GADL1: variants seen among roughly 807,000 people sequenced by gnomAD.
The protein encoded by GADL1 is acidic amino acid decarboxylase GADL1.
GADL1 carries 71 observed loss-of-function variants against 69.5 expected under a neutral mutation model. The ratio of observed to expected loss-of-function variants is 1.02; its 90% CI spans 0.84 to 1.25. The LOEUF is 1.25. Ranked by LOEUF, GADL1 falls within the 50% of genes most tolerant of loss-of-function variation. GADL1 has a pLI of 0.00. For missense variants in GADL1, 737 were observed against 631.8 expected (o/e 1.17, Z -1.79); for synonymous variants, 254 against 214.4 (o/e 1.18, Z -1.62).
intron 14 of GADL1, among the ~76,000 whole-genome samples, chr3:30,763,496 C>T (rs534566931): frequency 8.3e-5 from 5 of 60,408 alleles, no homozygotes; most frequent in Admixed American, 1.9e-4. Flanking sequence ...AGCAAGACTC[C>T]GTCTCGGCGG....
At chr3:30,765,794 G>A (rs1475256084) in intron 14 of GADL1, among the ~76,000 whole-genome samples, 3 of 152,120 alleles carry the variant, frequency 2.0e-5, no homozygotes, top group Non-Finnish European at 2.9e-5. Flanking sequence ...CTGTATCATA[G>A]GGGAATTGTA....
At chr3:30,800,805 AG>A (rs1697142707) in intron 12 of GADL1, 83 bp downstream of exon 12, 7 of 972,416 alleles carry the variant, frequency 7.2e-6, no homozygotes, top group Non-Finnish European at 1.0e-5. Flanking sequence ...AGACACAGAT[AG>A]ACACACACAC....
rs548139798 is a variant in GADL1, at chr3:30,856,610, C to G, written c.337+405G>C. Among the ~76,000 whole-genome samples, 28 of 152,060 alleles carry G rather than the reference C, an allele frequency of 1.8e-4. No individual in the cohort carries two copies. In the South Asian group the frequency reaches 5.8e-3, roughly 32 times the overall value. On this transcript the variant is annotated intron_variant, in intron 3 of 14. Transcript: ENST00000282538. ...ATCATTTCTGTTTATATTAAAGATACCTTTTGAACACTTTTTTTGCATACT... is the reference window on the plus strand; with the variant it reads ...ATCATTTCTGTTTATATTAAAGATAGCTTTTGAACACTTTTTTTGCATACT...
intron 13 of GADL1, among the ~76,000 whole-genome samples, chr3:30,782,333 G>GA (rs1187089872): frequency 3.9e-5 from 6 of 152,254 alleles, no homozygotes; most frequent in African/African-American, 1.4e-4. Context: ...GTACCAACCT[G>GA]AAGAGTGATG....
chr3:30,868,618 A>T (rs1698437711), intron 1 of GADL1, among the ~76,000 whole-genome samples: 1 of 151,980 alleles, frequency 6.6e-6, no homozygotes, highest in South Asian at 2.1e-4. Context: ...TGCCAGGGAC[A>T]GTGTAAAGAA....
chr3:30,778,039 G>A, intron 14 of GADL1, 140 bp downstream of exon 14: 1 of 585,442 alleles, frequency 1.7e-6, no homozygotes, highest in Non-Finnish European at 3.1e-6. Flanking sequence ...TGTTTGGCCT[G>A]TCATTACTTT....
intron 14 of GADL1, among the ~76,000 whole-genome samples, chr3:30,774,642 TTTC>T (rs1696492201): frequency 6.6e-6 from 1 of 152,198 alleles, no homozygotes; most frequent in South Asian, 2.1e-4. Flanking sequence ...TAATAAAACT[TTTC>T]TTATAAACTT....
intron 13 of GADL1, among the ~76,000 whole-genome samples, chr3:30,785,532 C>CCA (rs533442276): frequency 4.4e-4 from 67 of 152,148 alleles, no homozygotes; most frequent in Non-Finnish European, 5.1e-4. Flanking sequence ...CAAGCATGAG[C>CCA]CACCACGCTC....
At chr3:30,849,738 G>C (rs929784674) in intron 6 of GADL1, among the ~76,000 whole-genome samples, 2 of 152,082 alleles carry the variant, frequency 1.3e-5, no homozygotes, top group African/African-American at 4.8e-5. Context: ...CACAGAGATA[G>C]CACTTTCAAA....
intron 6 of GADL1, among the ~76,000 whole-genome samples, chr3:30,846,011 T>C (rs2125529661): frequency 6.6e-6 from 1 of 150,570 alleles, no homozygotes; most frequent in African/African-American, 2.4e-5. Flanking sequence ...TTTAAGTACC[T>C]GAGGGCAAAA....
At chr3:30,759,215 AGAC>A (rs1182522915) in intron 14 of GADL1, among the ~76,000 whole-genome samples, 237 of 152,212 alleles carry the variant, frequency 1.6e-3, no homozygotes, top group Non-Finnish European at 2.6e-3. Context: ...GGTAGGACTT[AGAC>A]ATCTGTCTCT....
At chr3:30,865,535 T>C (rs1392933544) in intron 1 of GADL1, among the ~76,000 whole-genome samples, 3 of 151,990 alleles carry the variant, frequency 2.0e-5, no homozygotes, top group Admixed American at 2.0e-4. Context: ...TCTGTATGCC[T>C]TTCTGAACTG....
chr3:30,774,050 G>C (rs1471370308), intron 14 of GADL1, among the ~76,000 whole-genome samples: 1 of 152,302 alleles, frequency 6.6e-6, no homozygotes, highest in Admixed American at 6.5e-5. Context: ...AAAGAGACAA[G>C]ATTCGATTGG....
At chr3:30,892,959 C>A (rs932651040) in intron 1 of GADL1, among the ~76,000 whole-genome samples, 2 of 152,188 alleles carry the variant, frequency 1.3e-5, no homozygotes, top group African/African-American at 4.8e-5. Context: ...CAGGTTCAAG[C>A]GATTCTCCTG....
chr3:30,739,310 C>T (rs1479618036), intron 14 of GADL1, among the ~76,000 whole-genome samples: 5 of 152,136 alleles, frequency 3.3e-5, no homozygotes, highest in East Asian at 3.8e-4. Context: ...TTCCTGTATT[C>T]GCCATCCTGC....
chr3:30,748,728 T>C (rs532427160), intron 14 of GADL1, among the ~76,000 whole-genome samples: 2 of 152,210 alleles, frequency 1.3e-5, no homozygotes, highest in South Asian at 4.1e-4. Context: ...TCAATAAATA[T>C]AATATTGTTC....
At chr3:30,813,225 A>G (rs570399724) in intron 11 of GADL1, among the ~76,000 whole-genome samples, 2 of 152,286 alleles carry the variant, frequency 1.3e-5, no homozygotes, top group Admixed American at 6.5e-5. Flanking sequence ...TTCATCTGCA[A>G]ATTGAGGATA....
intron 11 of GADL1, among the ~76,000 whole-genome samples, chr3:30,809,077 C>G (rs1209302212): frequency 1.3e-5 from 2 of 152,202 alleles, no homozygotes; most frequent in Non-Finnish European, 1.5e-5. Context: ...CCAGCCAGGA[C>G]TCATTTCCTG....
chr3:30,799,339 A>G (rs1297820913), intron 12 of GADL1: 4 of 152,182 alleles, frequency 2.6e-5, no homozygotes, highest in Non-Finnish European at 4.4e-5. Context: ...CACCACATGG[A>G]AGCTGCTAAG....
Sources: gnomAD v4.1 joint callset for allele counts (sites outside exome capture counted in the v4.1 genomes callset) on GRCh38, gnomAD v4.1.1 for gene constraint, MANE v1.5 for transcripts, NCBI Gene and HGNC (gene_info 2026-07-23, HGNC 2026-07-21) for gene names.